Variants in WDR41 observed in about 807,000 individuals in gnomAD.
WDR41 encodes WD repeat-containing protein 41.
Under a neutral mutation model 69.3 loss-of-function variants are expected in WDR41, and 63 were observed. That is an observed-to-expected ratio of 0.91 (90% confidence interval 0.74 to 1.12). The LOEUF (loss-of-function observed/expected upper bound fraction) is 1.12, where lower values mean the gene tolerates loss of function less well. Ranked by LOEUF, WDR41 falls within the 50% of genes most tolerant of loss-of-function variation. The probability of loss-of-function intolerance (pLI) is 0.00; values close to 1 mark genes in which losing one functional copy is unlikely to be tolerated. For missense variants in WDR41, 543 were observed against 534.5 expected (o/e 1.02, Z -0.16); for synonymous variants, 185 against 192.1 (o/e 0.96, Z 0.31).
intron 1 of WDR41, among the ~76,000 whole-genome samples, chr5:77,516,865 A>T: frequency 6.6e-6 from 1 of 152,056 alleles, no homozygotes; most frequent in East Asian, 1.9e-4. Context: ...AAAAATACAC[A>T]AATTAGCCGG....
chr5:77,566,389 A>G (rs1743629446), intron 1 of WDR41, among the ~76,000 whole-genome samples: 1 of 152,126 alleles, frequency 6.6e-6, no homozygotes, highest in South Asian at 2.1e-4. Flanking sequence ...TTGATACTAC[A>G]TAACCTTTTA....
chr5:77,455,128 T>C (rs543925777), intron 5 of WDR41, among the ~76,000 whole-genome samples: 6 of 152,330 alleles, frequency 3.9e-5, no homozygotes, highest in East Asian at 1.9e-4. Flanking sequence ...AAGGTTACAA[T>C]TGCTCCACAT....
chr5:77,473,092 A>G (rs952278506), intron 2 of WDR41, among the ~76,000 whole-genome samples: 11 of 152,338 alleles, frequency 7.2e-5, no homozygotes, highest in African/African-American at 2.4e-4. Flanking sequence ...TACCAAAAAC[A>G]GAGATATAGA....
chr5:77,606,054 G>C (rs1267816392), intron 1 of WDR41, among the ~76,000 whole-genome samples: 1 of 152,160 alleles, frequency 6.6e-6, no homozygotes, highest in African/African-American at 2.4e-5. Flanking sequence ...GGGAAAGCTA[G>C]AAGATGTGGC....
At chr5:77,448,398 G>A (rs1799471130) in intron 8 of WDR41, among the ~76,000 whole-genome samples, 2 of 152,278 alleles carry the variant, frequency 1.3e-5, no homozygotes, top group African/African-American at 4.8e-5. Context: ...TCCTTAGAAA[G>A]ACCTGCAGCT....
At chr5:77,572,933 C>T (rs12697868) in intron 1 of WDR41, among the ~76,000 whole-genome samples, 28,437 of 152,150 alleles carry the variant, frequency 0.19, 2,939 homozygotes, top group Admixed American at 0.24. Flanking sequence ...ATATGCACAA[C>T]GGAGTGAGCA....
chr5:77,609,488 T>C (rs1744498607), intron 1 of WDR41, among the ~76,000 whole-genome samples: 1 of 152,156 alleles, frequency 6.6e-6, no homozygotes. Flanking sequence ...ACAGCAGCAT[T>C]CACAGTTCAC....
At chr5:77,543,414 G>A (rs1165990666) in intron 1 of WDR41, among the ~76,000 whole-genome samples, 2 of 151,400 alleles carry the variant, frequency 1.3e-5, no homozygotes, top group Admixed American at 1.3e-4. Context: ...AACGATGCAA[G>A]TGAAGGGAGA....
In WDR41 at chr5:77,433,093, T is replaced by C. The variant is rs1240281751; in HGVS notation, c.*42A>G. The C allele has an allele frequency of 6.4e-7, 1 of 1,553,054 alleles. No homozygotes were observed. The highest frequency in any genetic ancestry group is 8.7e-7 in the Non-Finnish European group (1 of 1,150,372). ...GGTTTTCAGAGTAGTACCCGATATTTGATGTTCAAGGTTCATGCATGTGTA... is the reference window on the plus strand; with the variant it reads ...GGTTTTCAGAGTAGTACCCGATATTCGATGTTCAAGGTTCATGCATGTGTA... On this transcript the variant is annotated 3_prime_UTR_variant, in exon 13 of 13. Coordinates refer to ENST00000296679, the MANE Select transcript of WDR41 (RefSeq NM_018268.4).
chr5:77,434,063 C>T (rs1033695656), intron 12 of WDR41, among the ~76,000 whole-genome samples: 1 of 152,168 alleles, frequency 6.6e-6, no homozygotes, highest in Admixed American at 6.5e-5. Flanking sequence ...GGCGTGGTGG[C>T]TCACACCTGT....
intron 1 of WDR41, among the ~76,000 whole-genome samples, chr5:77,607,326 T>C (rs1397395032): frequency 6.6e-6 from 1 of 152,168 alleles, no homozygotes; most frequent in African/African-American, 2.4e-5. Flanking sequence ...ACTTAAGTTA[T>C]TAGATGTGAG....
intron 2 of WDR41, among the ~76,000 whole-genome samples, chr5:77,475,579 C>G (rs1300903652): frequency 2.6e-5 from 4 of 151,928 alleles, no homozygotes; most frequent in African/African-American, 9.7e-5. Context: ...CTCACACGGC[C>G]GGGTACTCCA....
At chr5:77,612,321 C>T (rs1246135085) in intron 1 of WDR41, among the ~76,000 whole-genome samples, 3 of 152,152 alleles carry the variant, frequency 2.0e-5, no homozygotes, top group Non-Finnish European at 4.4e-5. Flanking sequence ...ACACCCAAAA[C>T]CAGGCAGAGA....
chr5:77,601,340 T>A (rs995623553), intron 1 of WDR41, among the ~76,000 whole-genome samples: 2 of 152,152 alleles, frequency 1.3e-5, no homozygotes, highest in African/African-American at 4.8e-5. Flanking sequence ...AAGATAAAAA[T>A]CATTTTATTT....
At chr5:77,441,084 A>T in intron 8 of WDR41, 87 bp from the exon 9 acceptor site, 1 of 1,371,868 alleles carries the variant, frequency 7.3e-7, no homozygotes, top group Non-Finnish European at 9.7e-7. Flanking sequence ...GTAATGCCGT[A>T]TAAAACCACA....
At chr5:77,433,312 A>T in intron 12 of WDR41, 25 bp from the exon 13 acceptor site, 1 of 1,603,382 alleles carries the variant, frequency 6.2e-7, no homozygotes, top group South Asian at 1.1e-5. Flanking sequence ...AAAACTGATT[A>T]TAGGGACCCC....
chr5:77,587,901 T>A (rs1744070039), intron 1 of WDR41, among the ~76,000 whole-genome samples: 1 of 152,146 alleles, frequency 6.6e-6, no homozygotes, highest in Non-Finnish European at 1.5e-5. Flanking sequence ...CATCTCCAAG[T>A]CAAGGAGAAA....
At chr5:77,535,911 A>G (rs889483330) in intron 1 of WDR41, among the ~76,000 whole-genome samples, 1 of 152,188 alleles carries the variant, frequency 6.6e-6, no homozygotes, top group East Asian at 1.9e-4. Flanking sequence ...TTTACAGTGC[A>G]TATTGTTTTT....
At chr5:77,587,881 G>C (rs1044969368) in intron 1 of WDR41, among the ~76,000 whole-genome samples, 1 of 152,172 alleles carries the variant, frequency 6.6e-6, no homozygotes, top group Non-Finnish European at 1.5e-5. Context: ...TGAAGAAGCA[G>C]CTAGAGCGCC....
Sources: gnomAD v4.1 joint callset for allele counts (sites outside exome capture counted in the v4.1 genomes callset) on GRCh38, gnomAD v4.1.1 for gene constraint, MANE v1.5 for transcripts, NCBI Gene and HGNC (gene_info 2026-07-23, HGNC 2026-07-21) for gene names.